The following AGBL1 variants were observed in gnomAD, a reference collection of about 807,000 sequenced individuals.
AGBL1 encodes the protein AGBL carboxypeptidase 1.
AGBL1 carries 130 observed loss-of-function variants against 118.9 expected under a neutral mutation model. The observed-to-expected ratio is 1.09, with a 90% CI of 0.95 to 1.26. The LOEUF (loss-of-function observed/expected upper bound fraction) is 1.26. AGBL1 is among the 50% of genes most tolerant of loss of function. The pLI is 0.00. For missense variants in AGBL1, 1,584 were observed against 1,298.1 expected, an observed-to-expected ratio of 1.22 and a Z score of -3.38; for synonymous variants, 555 against 478.9, an observed-to-expected ratio of 1.16 and a Z score of -2.08.
intron 18 of AGBL1, among the ~76,000 whole-genome samples, chr15:86,477,611 G>T (rs189039290): frequency 1.5e-3 from 228 of 152,210 alleles, no homozygotes; most frequent in Non-Finnish European, 1.8e-3. Flanking sequence ...ACCAAAAAAA[G>T]TTCAGGACCA....
At chr15:86,486,701 A>G (rs1449606836) in intron 18 of AGBL1, among the ~76,000 whole-genome samples, 9 of 152,130 alleles carry the variant, frequency 5.9e-5, no homozygotes, top group Non-Finnish European at 8.8e-5. Context: ...CCTCATTGCT[A>G]TAAGTGAGAT....
chr15:86,165,959 G>A (rs868868076), intron 5 of AGBL1, among the ~76,000 whole-genome samples: 2 of 152,138 alleles, frequency 1.3e-5, no homozygotes, highest in Admixed American at 6.5e-5. Flanking sequence ...TAGAGTTATA[G>A]GGTTAAAGCC....
chr15:86,899,832 ATAT>A (rs1025916776), intron 22 of AGBL1, among the ~76,000 whole-genome samples: 35 of 152,276 alleles, frequency 2.3e-4, no homozygotes, highest in African/African-American at 8.4e-4. Flanking sequence ...AGGATGCGAC[ATAT>A]TATTCCTGGA....
At chr15:86,487,524 C>T (rs2082728789) in intron 18 of AGBL1, among the ~76,000 whole-genome samples, 1 of 151,462 alleles carries the variant, frequency 6.6e-6, no homozygotes, top group Non-Finnish European at 1.5e-5. Flanking sequence ...AATGCAGATA[C>T]TTCTGGTAAT....
At chr15:86,917,899 T>A (rs113503024), downstream of AGBL1, among the ~76,000 whole-genome samples, 3 of 152,160 alleles carry the variant, frequency 2.0e-5, no homozygotes, top group South Asian at 6.2e-4. The surrounding 1 kb of genome is among the most constrained non-coding windows in gnomAD (Gnocchi z 4.8). Context: ...AATTTTAAGT[T>A]GTTCTCTGTT....
At chr15:86,879,412 G>A (rs2079859138) in intron 22 of AGBL1, among the ~76,000 whole-genome samples, 1 of 152,074 alleles carries the variant, frequency 6.6e-6, no homozygotes, top group Non-Finnish European at 1.5e-5. Flanking sequence ...GCATCTTAGA[G>A]GCCTGCTGTG....
chr15:86,096,015 A>G (rs1896356851), intron 1 of AGBL1, among the ~76,000 whole-genome samples: 1 of 152,034 alleles, frequency 6.6e-6, no homozygotes, highest in African/African-American at 2.4e-5. Flanking sequence ...TGGTTCAACT[A>G]AACTATTGTT....
Position 86,621,124 on chromosome 15 carries a change from C to G in AGBL1, c.2995-53149C>G, listed in dbSNP as rs147780498. ...CCATGAATATAAGTGATACTATGAC[C>G]AAAGGTAACAACTGTGCTTGCAGAT... On this transcript the variant is annotated intron_variant, in intron 21 of 22. Coordinates refer to ENST00000614907, the MANE Select transcript of AGBL1 (RefSeq NM_001386094.1). Among the ~76,000 whole-genome samples the G allele has an allele frequency of 3.9e-5, 6 of 152,266 alleles. No individual in the cohort carries two copies. In the East Asian group the frequency reaches 1.2e-3, roughly 29 times the overall value.
intron 24 of AGBL1, among the ~76,000 whole-genome samples, chr15:86,992,687 C>T (rs1274969220): frequency 1.3e-5 from 2 of 151,730 alleles, no homozygotes; most frequent in African/African-American, 4.8e-5. Context: ...GTGTTTCTTG[C>T]CAACCAGGAT....
intron 22 of AGBL1, among the ~76,000 whole-genome samples, chr15:86,833,655 C>A (rs2079135800): frequency 6.6e-6 from 1 of 152,104 alleles, no homozygotes; most frequent in Admixed American, 6.6e-5. Flanking sequence ...CACCACATTT[C>A]AGACCAAAAG....
chr15:86,637,728 G>A (rs1388065069), intron 21 of AGBL1, among the ~76,000 whole-genome samples: 3 of 152,058 alleles, frequency 2.0e-5, no homozygotes, highest in Non-Finnish European at 2.9e-5. Flanking sequence ...TTTGCAGGTA[G>A]AATCAACAAG....
At chr15:87,011,146 A>G (rs139683082) in intron 24 of AGBL1, among the ~76,000 whole-genome samples, 1 of 152,330 alleles carries the variant, frequency 6.6e-6, no homozygotes, top group African/African-American at 2.4e-5. Context: ...CAGAAGTTAC[A>G]TAAGAACCTG....
chr15:86,199,511 T>C (rs543534838), intron 5 of AGBL1, among the ~76,000 whole-genome samples: 4 of 152,316 alleles, frequency 2.6e-5, no homozygotes, highest in South Asian at 2.1e-4. Context: ...TGAATACCCA[T>C]GTGCTGGATG....
rs139388177 is a variant in AGBL1, at chr15:86,787,814, C to T, written c.3158+113378C>T. 7.9e-5 allele frequency among the ~76,000 whole-genome samples: 12 copies of T among 152,260 alleles called. No homozygotes were observed. In the East Asian group the frequency reaches 1.9e-3, roughly 25 times the overall value. ...TCTCAATTACTACCGAGTTTGTGGT[C>T]ACTTAGGTTTCTTCTTCCAAGAATG... is the stretch of plus-strand genomic sequence containing the variant. On this transcript the variant is annotated intron_variant, in intron 22 of 22. Transcript: ENST00000614907.
At chr15:86,162,210 C>G (rs1055124517) in intron 5 of AGBL1, among the ~76,000 whole-genome samples, 2 of 152,058 alleles carry the variant, frequency 1.3e-5, no homozygotes, top group Non-Finnish European at 2.9e-5. Context: ...GGGATAAAGT[C>G]GCATGTCAGG....
intron 1 of AGBL1, among the ~76,000 whole-genome samples, chr15:86,109,176 A>C (rs1165844053): frequency 6.6e-6 from 1 of 152,198 alleles, no homozygotes; most frequent in Non-Finnish European, 1.5e-5. Context: ...TTAATGTAAA[A>C]TACAGTACTA....
At chr15:86,228,296 C>T (rs1343932713) in intron 6 of AGBL1, among the ~76,000 whole-genome samples, 1 of 152,158 alleles carries the variant, frequency 6.6e-6, no homozygotes, top group Non-Finnish European at 1.5e-5. Flanking sequence ...CACCATCTGG[C>T]ACTGATATCT....
intron 17 of AGBL1, among the ~76,000 whole-genome samples, chr15:86,308,435 C>T (rs2079872994): frequency 6.6e-6 from 1 of 152,202 alleles, no homozygotes; most frequent in Admixed American, 6.5e-5. Flanking sequence ...GAGCCCTCTT[C>T]AGAACCTGAC....
intron 5 of AGBL1, among the ~76,000 whole-genome samples, chr15:86,217,708 G>A (rs925047024): frequency 3.3e-5 from 5 of 152,214 alleles, no homozygotes; most frequent in Non-Finnish European, 5.9e-5. Flanking sequence ...CAAGCCATGG[G>A]TACATGCTCT....
Sources: allele counts gnomAD v4.1 joint callset (sites outside exome capture counted in the v4.1 genomes callset), GRCh38; gene constraint gnomAD v4.1.1; non-coding constraint Gnocchi (gnomAD v3.1); transcripts MANE v1.5; gene names NCBI Gene and HGNC (gene_info 2026-07-23, HGNC 2026-07-21).